The following CD58 variants were observed in gnomAD, a reference collection of about 807,000 sequenced individuals.
CD58 encodes the protein lymphocyte function-associated antigen 3.
In CD58, 14 loss-of-function variants were observed where a neutral mutation model predicts 27.6. The observed-to-expected ratio is 0.51, with a 90% CI of 0.34 to 0.79. The LOEUF (loss-of-function observed/expected upper bound fraction) is 0.79. Ranked by LOEUF, CD58 falls within the 30% of genes least tolerant of loss-of-function variation. The pLI, the probability that CD58 is intolerant of heterozygous loss-of-function variation, is 0.02. For missense variants in CD58, 268 were observed against 301.7 expected (o/e 0.89, Z 0.83); for synonymous variants, 117 against 103.8 (o/e 1.13, Z -0.77).
chr1:116,516,321 T>C lies in CD58; in HGVS notation c.744-1499A>G, dbSNP rs968748810. On this transcript the variant is annotated intron_variant, in intron 5 of 5. Transcript: ENST00000369489. This position sits in a 1 kb window ranked among gnomAD's most constrained non-coding sequence, Gnocchi z 6.1. The stretch of plus-strand genomic sequence containing the variant: ...GCAGAACTTGAATAGTAAATAAAAA[T>C]ATACCAAGAAAAGTAAGCTCCTCTC... Among the ~76,000 whole-genome samples the C allele has an allele frequency of 1.3e-5, 2 of 152,144 alleles. No individual in the cohort carries two copies. The highest frequency in any genetic ancestry group is 2.9e-5 in the Non-Finnish European group (2 of 68,024).
intron 2 of CD58, among the ~76,000 whole-genome samples, chr1:116,542,530 T>C (rs1658024223): frequency 6.6e-6 from 1 of 152,200 alleles, no homozygotes; most frequent in Admixed American, 6.5e-5. Context: ...TATGGACAAC[T>C]TCTTCAAGGA....
rs1658078768 is a variant in CD58 at position 116,544,195 on chromosome 1, C to T, written c.364+116G>A. ...ATACCAGAAAAGGAGAAAACCCTGA[C>T]AACAGGTAACATCTAATTCTTTTCT... is the stretch of plus-strand genomic sequence containing the variant. On this transcript the variant is annotated intron_variant, in intron 2 of 5. Transcript: ENST00000369489. The T allele has an allele frequency of 1.3e-5, 9 of 696,546 alleles. No individual in the cohort carries two copies. The East Asian group carries it at 2.4e-4, about 19-fold the overall frequency. 43.1% of individuals were successfully genotyped at this position (696,546 alleles called of 1,614,324 possible). A position where few individuals can be genotyped will look rare whatever the true frequency, so the allele number is the denominator to read the frequency against.
intron 1 of CD58, among the ~76,000 whole-genome samples, chr1:116,549,450 T>C (rs1316884777): frequency 1.3e-5 from 2 of 152,112 alleles, no homozygotes. Context: ...AAAAGTAGCA[T>C]AAGCCGAGCT....
intron 1 of CD58, among the ~76,000 whole-genome samples, chr1:116,560,373 T>G (rs1658716809): frequency 6.6e-6 from 1 of 152,182 alleles, no homozygotes. Context: ...TTTTTAAATC[T>G]ATTCTCCAAA....
chr1:116,525,348 T>C (rs767989039), intron 3 of CD58, among the ~76,000 whole-genome samples: 4 of 152,244 alleles, frequency 2.6e-5, no homozygotes, highest in Admixed American at 6.5e-5. Flanking sequence ...GTTTCCTCCA[T>C]GTCTTTTCAT....
chr1:116,568,582 A>C (rs990280899), intron 1 of CD58, among the ~76,000 whole-genome samples: 1 of 152,214 alleles, frequency 6.6e-6, no homozygotes, highest in African/African-American at 2.4e-5. Flanking sequence ...CCCTCACTAT[A>C]AGGTGAGCTT....
chr1:116,518,631 C>CA (rs1657160798), intron 5 of CD58: 1 of 982,604 alleles, frequency 1.0e-6, no homozygotes, highest in Admixed American at 6.1e-5. Context: ...CATCCCTCAA[C>CA]ACCCAGCTCA....
rs541920555 is a variant in CD58 at position 116,528,267 on chromosome 1, T to C, written c.629-6284A>G. 4.6e-5 allele frequency among the ~76,000 whole-genome samples: 7 copies of C among 152,350 alleles called. No homozygotes were observed. The South Asian group carries it at 1.2e-3, about 27-fold the overall frequency. On this transcript the variant is annotated intron_variant, in intron 3 of 5. Coordinates refer to ENST00000369489, the MANE Select transcript of CD58 (RefSeq NM_001779.3). The surrounding 1 kb of genome is among the most constrained non-coding windows in gnomAD (Gnocchi z 4.4). Reference sequence around the variant, plus strand: ...TCAGTCTACATAATATTATTTCCTATGTTGCATTTCTTTCCTTCTTCTCCT... The same window carrying C: ...TCAGTCTACATAATATTATTTCCTACGTTGCATTTCTTTCCTTCTTCTCCT...
At chr1:116,540,807 AT>A (rs760441486) in intron 2 of CD58, among the ~76,000 whole-genome samples, 4 of 152,092 alleles carry the variant, frequency 2.6e-5, no homozygotes, top group Non-Finnish European at 5.9e-5. Flanking sequence ...TATTTAATTA[AT>A]TTATTTAGCT....
Position 116,534,058 on chromosome 1 carries a change from G to A in CD58, c.628+1907C>T. 1.1e-6 allele frequency: 1 copy of A among 943,542 alleles called. No homozygotes were observed. Among genetic ancestry groups the A allele is most frequent in the Non-Finnish European group, 1.7e-6 (1 of 575,856 alleles). The allele number at this position is 943,542 out of a possible 1,614,324, so 58.4% of individuals were successfully genotyped here. A position where few individuals can be genotyped will look rare whatever the true frequency, so the allele number is the denominator to read the frequency against. ...ATTTTTAGCAGCTTCCACGAAATCT[G>A]AAGGAACCCCATCTGAAAAACTGTT... On this transcript the variant is annotated intron_variant, in intron 3 of 5. Transcript: ENST00000369489. The surrounding 1 kb of genome is among the most constrained non-coding windows in gnomAD (Gnocchi z 5.3).
intron 1 of CD58, among the ~76,000 whole-genome samples, chr1:116,564,271 G>A (rs1473062742): frequency 6.6e-6 from 1 of 152,092 alleles, no homozygotes; most frequent in Admixed American, 6.6e-5. Context: ...GAGATGAGCA[G>A]CATTTGGTCA....
Position 116,515,045 on chromosome 1 carries a change from C to T in CD58, c.744-223G>A, listed in dbSNP as rs190045388. On this transcript the variant is annotated intron_variant, in intron 5 of 5. Transcript: ENST00000369489. This position sits in a 1 kb window ranked among gnomAD's most constrained non-coding sequence, Gnocchi z 4.6. ...AGAACAGCCTTCAGGATGCTGCACT[C>T]AATAGCAGCCCCAAGGCTCCTCCCG... 1.3e-5 allele frequency among the ~76,000 whole-genome samples: 2 copies of T among 152,320 alleles called. No homozygotes were observed. The highest frequency in any genetic ancestry group is 3.9e-4 in the East Asian group (2 of 5,190).
At chr1:116,565,170 A>G (rs371908508) in intron 1 of CD58, among the ~76,000 whole-genome samples, 1 of 152,224 alleles carries the variant, frequency 6.6e-6, no homozygotes, top group African/African-American at 2.4e-5. Flanking sequence ...CCAAGTCATC[A>G]TAATTTCACT....
In CD58 at chr1:116,535,795, C is replaced by T. The variant is rs527556815; in HGVS notation, c.628+170G>A. ...GGCGGAGCTTGCAGTGAGCCGAGAT[C>T]GCGCCACTGCACTCCAGCCTGGGCG... On this transcript the variant is annotated intron_variant, in intron 3 of 5. Transcript: ENST00000369489. 4.4e-5 allele frequency among the ~76,000 whole-genome samples: 4 copies of T among 90,776 alleles called. 1 individual carries two copies. In the East Asian group the frequency reaches 4.3e-3, roughly 99 times the overall value. The allele number at this position is 90,776 out of a possible 152,430, so 59.6% of individuals were successfully genotyped here. A position where few individuals can be genotyped will look rare whatever the true frequency, so the allele number is the denominator to read the frequency against.
intron 2 of CD58, among the ~76,000 whole-genome samples, chr1:116,542,431 G>A (rs1658020101): frequency 6.6e-6 from 1 of 152,200 alleles, no homozygotes; most frequent in South Asian, 2.1e-4. Flanking sequence ...TATTAACAAG[G>A]AGGTCTAGAG....
In CD58 at chr1:116,563,433, G is replaced by C. The variant is rs1051089907; in HGVS notation, c.70+7470C>G. On this transcript the variant is annotated intron_variant, in intron 1 of 5. Transcript: ENST00000369489. The surrounding 1 kb of genome is among the most constrained non-coding windows in gnomAD (Gnocchi z 4.1). ...AGCTCCACTAGGCGGTGCCCCAGTG[G>C]GGACTCTGTGTGGGGGCTCCAACTC... Among the ~76,000 whole-genome samples the C allele has an allele frequency of 1.3e-5, 2 of 152,106 alleles. No homozygotes were observed. Among genetic ancestry groups the C allele is most frequent in the Non-Finnish European group, 2.9e-5 (2 of 68,008 alleles).
Position 116,515,165 on chromosome 1 carries a change from T to C in CD58, c.744-343A>G, listed in dbSNP as rs1657035287. ...CACCCATTTGTAACAGCTACTTCCT[T>C]CTTTGCTACATGAAACTCCTGGGGA... is the stretch of plus-strand genomic sequence containing the variant. On this transcript the variant is annotated intron_variant, in intron 5 of 5. Coordinates refer to ENST00000369489, the MANE Select transcript of CD58 (RefSeq NM_001779.3). The surrounding 1 kb of genome is among the most constrained non-coding windows in gnomAD (Gnocchi z 4.6). Among the ~76,000 whole-genome samples the C allele has an allele frequency of 6.6e-6, 1 of 152,226 alleles. No homozygotes were observed. Among genetic ancestry groups the C allele is most frequent in the Non-Finnish European group, 1.5e-5 (1 of 68,048 alleles).
chr1:116,562,550 G>A (rs1658790201), intron 1 of CD58, among the ~76,000 whole-genome samples: 1 of 152,156 alleles, frequency 6.6e-6, no homozygotes, highest in African/African-American at 2.4e-5. Context: ...ACATACATGA[G>A]ACTGGGTAAT....
At position 116,535,563 on chromosome 1, in the gene CD58, C is replaced by G. The variant is rs188232951; in HGVS notation, c.628+402G>C. Among the ~76,000 whole-genome samples, 28 of 142,222 alleles carry G rather than the reference C, an allele frequency of 2.0e-4. 7 individuals are homozygous for G. Among genetic ancestry groups the G allele is most frequent in the African/African-American group, 7.6e-4 (28 of 36,838 alleles). 93.3% of individuals were successfully genotyped at this position (142,222 alleles called of 152,430 possible). On this transcript the variant is annotated intron_variant, in intron 3 of 5. Coordinates refer to ENST00000369489, the MANE Select transcript of CD58 (RefSeq NM_001779.3). ...CTGTTAAAAATTGTAACTTGTTGGC[C>G]GGGCGCGGTGGCTCACGCCTGTAAT...
Sources: gnomAD v4.1 joint callset for allele counts (sites outside exome capture counted in the v4.1 genomes callset) on GRCh38, gnomAD v4.1.1 for gene constraint, Gnocchi (gnomAD v3.1) non-coding constraint, MANE v1.5 for transcripts, NCBI Gene and HGNC (gene_info 2026-07-23, HGNC 2026-07-21) for gene names.